The following PRKCE variants were observed in gnomAD, a reference collection of about 807,000 sequenced individuals.
PRKCE encodes protein kinase C epsilon type.
PRKCE carries 16 observed loss-of-function variants against 85.4 expected under a neutral mutation model. The observed-to-expected ratio is 0.19, with a 90% CI of 0.13 to 0.28. The LOEUF (loss-of-function observed/expected upper bound fraction) is 0.28, where lower values mean the gene tolerates loss of function less well. PRKCE is among the 10% of genes least tolerant of loss of function. The probability of loss-of-function intolerance (pLI) is 1.00; values close to 1 mark genes in which losing one functional copy is unlikely to be tolerated. For synonymous variants in PRKCE, 388 were observed against 371.5 expected (o/e 1.04, Z -0.51); for missense variants, 573 against 975.2 (o/e 0.59, Z 5.49).
At chr2:45,820,967 T>A (rs1041561803) in intron 1 of PRKCE, among the ~76,000 whole-genome samples, 2 of 151,898 alleles carry the variant, frequency 1.3e-5, no homozygotes, top group Non-Finnish European at 2.9e-5. Flanking sequence ...CCAGAAAACT[T>A]GTTTGGGTCT....
At chr2:45,840,184 A>T (rs1691232075) in intron 1 of PRKCE, among the ~76,000 whole-genome samples, 1 of 152,180 alleles carries the variant, frequency 6.6e-6, no homozygotes, top group Non-Finnish European at 1.5e-5. Context: ...GAGTTGGAGG[A>T]TATGAGAAAG....
intron 1 of PRKCE, among the ~76,000 whole-genome samples, chr2:45,671,683 C>T (rs1474117051): frequency 6.6e-6 from 1 of 152,018 alleles, no homozygotes; most frequent in Non-Finnish European, 1.5e-5. Flanking sequence ...AAATGTAAAT[C>T]TGCTATATAA....
Position 46,145,378 on chromosome 2 carries a change from GA to G in PRKCE, c.1731+153del. ...CTAGGAAGGAGGGAGAAAAGGAAAG[GA>G]AAAAAGTTTGCTGATTGATGTCTGT... On this transcript the variant is annotated intron_variant, in intron 12 of 14. Coordinates refer to ENST00000306156, the MANE Select transcript of PRKCE (RefSeq NM_005400.3). The surrounding 1 kb of genome is among the most constrained non-coding windows in gnomAD (Gnocchi z 4.6). 1 of 1,158,564 alleles carries G rather than the reference GA, an allele frequency of 8.6e-7. No homozygotes were observed. 71.8% of individuals were successfully genotyped at this position (1,158,564 alleles called of 1,614,324 possible). A position where few individuals can be genotyped will look rare whatever the true frequency, so the allele number is the denominator to read the frequency against.
intron 1 of PRKCE, among the ~76,000 whole-genome samples, chr2:45,775,484 A>G (rs151194017): frequency 1.0e-3 from 157 of 152,308 alleles, no homozygotes; most frequent in African/African-American, 3.6e-3. Flanking sequence ...AGAGCCCCCA[A>G]ACATTTCCAT....
chr2:45,690,972 T>C (rs911876924), intron 1 of PRKCE, among the ~76,000 whole-genome samples: 8 of 152,250 alleles, frequency 5.3e-5, no homozygotes, highest in African/African-American at 1.9e-4. Context: ...AATAGTTTTA[T>C]GTTTAATATT....
In PRKCE at chr2:46,004,123, G is replaced by A. The variant is rs544051484; in HGVS notation, c.967-419G>A. 2 of 270,206 alleles carry A rather than the reference G, an allele frequency of 7.4e-6. No individual in the cohort carries two copies. The highest frequency in any genetic ancestry group is 4.1e-5 in the South Asian group (1 of 24,170). 16.7% of individuals were successfully genotyped at this position (270,206 alleles called of 1,614,324 possible). ...AGTTGAACATTAGCCTTTTCCTGCT[G>A]TACCCGTCCAATGTAGATGATGTAT... is the stretch of plus-strand genomic sequence containing the variant. On this transcript the variant is annotated intron_variant, in intron 7 of 14. Transcript: ENST00000306156. This position sits in a 1 kb window ranked among gnomAD's most constrained non-coding sequence, Gnocchi z 4.1.
chr2:45,865,942 C>G (rs1217150895), intron 2 of PRKCE, among the ~76,000 whole-genome samples: 6 of 151,786 alleles, frequency 4.0e-5, no homozygotes, highest in Non-Finnish European at 7.4e-5. Context: ...TTCAGCCTCC[C>G]AAGTAGCTGA....
intron 1 of PRKCE, chr2:45,675,818 G>A (rs1676415515): frequency 6.6e-6 from 1 of 152,290 alleles, no homozygotes; most frequent in Non-Finnish European, 1.5e-5. Context: ...CTCACAGATG[G>A]GCCTGACTTT....
chr2:46,065,490 A>G (rs1667552840), intron 10 of PRKCE, among the ~76,000 whole-genome samples: 1 of 152,182 alleles, frequency 6.6e-6, no homozygotes, highest in Admixed American at 6.6e-5. Flanking sequence ...AAAGAACACA[A>G]CAATTTTGGT....
chr2:46,103,936 A>T (rs1040816145), intron 11 of PRKCE, among the ~76,000 whole-genome samples: 21 of 152,276 alleles, frequency 1.4e-4, no homozygotes, highest in African/African-American at 4.6e-4. Context: ...TACTTGGTGT[A>T]ACTTCACAGG....
chr2:45,952,685 CACTTAATGT>C (rs1211983873), intron 2 of PRKCE, among the ~76,000 whole-genome samples: 1 of 152,310 alleles, frequency 6.6e-6, no homozygotes, highest in Middle Eastern at 3.4e-3. Flanking sequence ...CCTTATATAG[CACTTAATGT>C]ACTTAATGTA....
intron 2 of PRKCE, among the ~76,000 whole-genome samples, chr2:45,896,954 T>G (rs1462482579): frequency 2.6e-5 from 4 of 152,156 alleles, no homozygotes; most frequent in Non-Finnish European, 4.4e-5. Context: ...TATTTCCGCC[T>G]GTAGTCCTAG....
intron 11 of PRKCE, among the ~76,000 whole-genome samples, chr2:46,102,489 T>G (rs1202590985): frequency 3.9e-5 from 6 of 152,232 alleles, no homozygotes; most frequent in Admixed American, 2.6e-4. Context: ...GTTCCCCTAT[T>G]AATGAACTAA....
Position 45,653,370 on chromosome 2 carries a change from G to GTTTTTTTTTTTTTTTTTTTTTTTT in PRKCE, c.348+924_348+947dup, listed in dbSNP as rs34888247. ...TGCTTTTTGTGTTTGTTTTTGGGTT[G>GTTTTTTTTTTTTTTTTTTTTTTTT]TTTTTTTTTTTTTTTTTTTTTTTTT... On this transcript the variant is annotated intron_variant, in intron 1 of 14. Transcript: ENST00000306156. 3.3e-5 allele frequency among the ~76,000 whole-genome samples: 2 copies of GTTTTTTTTTTTTTTTTTTTTTTTT among 61,464 alleles called. 1 individual carries two copies. The highest frequency in any genetic ancestry group is 6.0e-5 in the Non-Finnish European group (2 of 33,564). The allele number at this position is 61,464 out of a possible 152,430, so 40.3% of individuals were successfully genotyped here.
chr2:46,113,504 T>G (rs1672464000), intron 11 of PRKCE, among the ~76,000 whole-genome samples: 1 of 152,240 alleles, frequency 6.6e-6, no homozygotes, highest in Non-Finnish European at 1.5e-5. Context: ...CTTAACAAGG[T>G]GCTCCCTGTG....
intron 2 of PRKCE, among the ~76,000 whole-genome samples, chr2:45,968,737 G>C (rs781481236): frequency 6.6e-6 from 1 of 152,172 alleles, no homozygotes; most frequent in Non-Finnish European, 1.5e-5. Context: ...TGAGGAGGGC[G>C]TTCAGTTTTT....
Position 45,895,617 on chromosome 2 carries a change from T to C in PRKCE, c.412+52554T>C, listed in dbSNP as rs1182978065. Among the ~76,000 whole-genome samples, 1 of 152,228 alleles carries C rather than the reference T, an allele frequency of 6.6e-6. No individual in the cohort carries two copies. Among genetic ancestry groups the C allele is most frequent in the African/African-American group, 2.4e-5 (1 of 41,448 alleles). On this transcript the variant is annotated intron_variant, in intron 2 of 14. Transcript: ENST00000306156. The surrounding 1 kb of genome is among the most constrained non-coding windows in gnomAD (Gnocchi z 4.8). ...ATGCAAAATGATCATGTTTTATTCA[T>C]TTGGTAGAAGTCACTCTAATGGCAT...
intron 5 of PRKCE, among the ~76,000 whole-genome samples, chr2:45,981,557 C>T (rs1023792042): frequency 3.3e-5 from 5 of 152,156 alleles, no homozygotes; most frequent in African/African-American, 9.7e-5. Flanking sequence ...TTAGTCTGAG[C>T]CCAGAGCACC....
At position 45,922,654 on chromosome 2, in the gene PRKCE, G is replaced by C. The variant is rs115172496; in HGVS notation, c.413-53775G>C. Among the ~76,000 whole-genome samples the C allele has an allele frequency of 2.0e-3, 305 of 152,294 alleles. 4 individuals carry two copies. Among genetic ancestry groups the C allele is most frequent in the African/African-American group, 6.3e-3 (262 of 41,558 alleles). ...CCCAGCAGCAACTGCCTGGGGTGCCGTCAGCTCAAGCTGCACTTACCATGA... is the reference window on the plus strand; with the variant it reads ...CCCAGCAGCAACTGCCTGGGGTGCCCTCAGCTCAAGCTGCACTTACCATGA... On this transcript the variant is annotated intron_variant, in intron 2 of 14. Transcript: ENST00000306156.
Sources: gnomAD v4.1 joint callset for allele counts (sites outside exome capture counted in the v4.1 genomes callset) on GRCh38, gnomAD v4.1.1 for gene constraint, Gnocchi (gnomAD v3.1) non-coding constraint, MANE v1.5 for transcripts, NCBI Gene and HGNC (gene_info 2026-07-23, HGNC 2026-07-21) for gene names.